Variants in MYH7B observed in about 807,000 individuals in gnomAD.
MYH7B encodes myosin heavy chain 7B.
MYH7B carries 205 observed loss-of-function variants against 234.5 expected under a neutral mutation model. The ratio of observed to expected loss-of-function variants is 0.87; its 90% confidence interval spans 0.78 to 0.98. The LOEUF (loss-of-function observed/expected upper bound fraction) is 0.98, where lower values mean the gene tolerates loss of function less well. MYH7B is among the 50% of genes least tolerant of loss of function. The pLI, the probability that MYH7B is intolerant of heterozygous loss-of-function variation, is 0.00. For synonymous variants in MYH7B, 1,193 were observed against 1,105.0 expected (o/e 1.08, Z -1.58); for missense variants, 2,652 against 2,633.4 (o/e 1.01, Z -0.15).
intron 2 of MYH7B, among the ~76,000 whole-genome samples, chr20:34,963,958 G>C (rs180810497): frequency 6.6e-6 from 1 of 152,142 alleles, no homozygotes; most frequent in African/African-American, 2.4e-5. Flanking sequence ...CTGCTCTATA[G>C]GTTTCATTGC....
exon 14 of MYH7B, chr20:34,986,145 G>C (rs368217364): frequency 6.3e-7 from 1 of 1,598,944 alleles, no homozygotes; most frequent in African/African-American, 1.3e-5. Flanking sequence ...CCTGGTGAGC[G>C]CAGCTACCAT....
chr20:34,979,507 C>T lies in MYH7B; in HGVS notation c.198+11C>T. The stretch of plus-strand genomic sequence containing the variant: ...ACCAAAGACCAGAAGGTTCCGTTCC[C>T]CCTTTCCTGAGATTAGCCTCTCTGT... On this transcript the variant is annotated intron_variant, in intron 6 of 44. Transcript: ENST00000262873. 6.2e-7 allele frequency: 1 copy of T among 1,608,724 alleles called. No homozygotes were observed. The highest frequency in any genetic ancestry group is 8.5e-7 in the Non-Finnish European group (1 of 1,176,662).
At chr20:34,965,234 A>C (rs1184519426) in intron 2 of MYH7B, among the ~76,000 whole-genome samples, 1 of 152,236 alleles carries the variant, frequency 6.6e-6, no homozygotes, top group African/African-American at 2.4e-5. Context: ...TCAAAGAGAC[A>C]GAGCAACTCT....
chr20:34,961,864 A>G (rs2081700905), intron 2 of MYH7B, among the ~76,000 whole-genome samples: 1 of 152,206 alleles, frequency 6.6e-6, no homozygotes, highest in Admixed American at 6.5e-5. Context: ...TTCATTGTAC[A>G]GATATATCAC....
chr20:34,976,973 C>A (rs763425252), intron 3 of MYH7B, among the ~76,000 whole-genome samples: 5 of 152,098 alleles, frequency 3.3e-5, no homozygotes, highest in Non-Finnish European at 5.9e-5. Flanking sequence ...CAGGCGATGC[C>A]CTATACCCTG....
intron 2 of MYH7B, among the ~76,000 whole-genome samples, chr20:34,959,698 C>T (rs1200677598): frequency 1.3e-5 from 2 of 152,052 alleles, no homozygotes; most frequent in African/African-American, 2.4e-5. Flanking sequence ...AGGCTGGTCT[C>T]GAACTCCTGA....
chr20:34,996,511 C>A (rs780675553), exon 29 of MYH7B: 2 of 1,610,824 alleles, frequency 1.2e-6, no homozygotes, highest in Non-Finnish European at 1.7e-6. Flanking sequence ...GCTGGAGCAA[C>A]AGGTGGAGGA....
intron 3 of MYH7B, among the ~76,000 whole-genome samples, chr20:34,976,247 AATGTAG>A (rs1305725776): frequency 6.6e-6 from 1 of 152,114 alleles, no homozygotes; most frequent in Non-Finnish European, 1.5e-5. Context: ...GCCTGTTTTG[AATGTAG>A]ATGGTTGAAA....
At chr20:34,970,024 T>C (rs565910688) in intron 2 of MYH7B, among the ~76,000 whole-genome samples, 2 of 152,272 alleles carry the variant, frequency 1.3e-5, no homozygotes, top group South Asian at 4.1e-4. Flanking sequence ...AGAGGTTTAG[T>C]CATTCTCCAA....
chr20:34,986,211 A>T lies in MYH7B; in HGVS notation c.904+13A>T. The T allele has an allele frequency of 6.3e-7, 1 of 1,576,208 alleles. No individual in the cohort carries two copies. Among genetic ancestry groups the T allele is most frequent in the Non-Finnish European group, 8.6e-7 (1 of 1,158,468 alleles). ...CCAGAGCTGCAGGGTGAGGGGCAGTACGATGAAGGGGGTGGGAGTCAGAAC... is the reference window on the plus strand; with the variant it reads ...CCAGAGCTGCAGGGTGAGGGGCAGTTCGATGAAGGGGGTGGGAGTCAGAAC... On this transcript the variant is annotated intron_variant, in intron 14 of 44. Coordinates refer to ENST00000262873, the Ensembl canonical transcript of MYH7B.
At chr20:34,989,836 A>G (rs779773947) in exon 20 of MYH7B, 2 of 1,614,022 alleles carry the variant, frequency 1.2e-6, no homozygotes, top group Admixed American at 1.7e-5. Flanking sequence ...CCACGCGGGG[A>G]AGTCACCCAA....
At chr20:34,997,525 G>A in exon 32 of MYH7B, 3 of 1,606,848 alleles carry the variant, frequency 1.9e-6, no homozygotes, top group Non-Finnish European at 2.5e-6. Flanking sequence ...GCGGAGCTGG[G>A]GGAGCAGGTG....
Position 34,987,874 on chromosome 20 carries a change from T to A in MYH7B, c.1376T>A (p.Phe459Tyr), listed in dbSNP as rs754511. The A allele has an allele frequency of 0.011, 17,742 of 1,611,252 alleles. 135 individuals carry two copies. Among genetic ancestry groups the A allele is most frequent in the Non-Finnish European group, 0.014 (16,096 of 1,178,146 alleles). ...GACACAAAGCTGCCCCGGCAGTTCT[T>A]CATCGGGGTTCTGGACATCGCTGGG... Residue 459 changes from phenylalanine to tyrosine, a missense_variant, in exon 18 of 45, where the codon TTC (phenylalanine) becomes TAC (tyrosine). Coordinates refer to ENST00000262873, the Ensembl canonical transcript of MYH7B.
chr20:34,985,172 A>G, intron 13 of MYH7B, 43 bp downstream of exon 13: 1 of 1,593,786 alleles, frequency 6.3e-7, no homozygotes, highest in South Asian at 1.1e-5. Flanking sequence ...AGGAGGCCTG[A>G]GCCCGGTCAC....
At chr20:34,984,916 G>A (rs745650704) in exon 12 of MYH7B, 3 of 1,614,068 alleles carry the variant, frequency 1.9e-6, no homozygotes, top group South Asian at 2.2e-5. Context: ...GCAACGCCAA[G>A]ACCCTGAGGA....
chr20:34,992,361 G>C (rs1453174894), intron 24 of MYH7B, among the ~76,000 whole-genome samples: 6 of 142,844 alleles, frequency 4.2e-5, no homozygotes, highest in Non-Finnish European at 7.6e-5. Context: ...ACTCCAGCCT[G>C]GGCGACAGAG....
exon 18 of MYH7B, chr20:34,987,841 A>G (rs752521774): frequency 1.2e-6 from 2 of 1,613,764 alleles, no homozygotes; most frequent in Non-Finnish European, 1.7e-6. Flanking sequence ...CGGATCAACC[A>G]GACCCTGGAC....
chr20:34,971,744 C>T (rs1361208846), intron 2 of MYH7B, among the ~76,000 whole-genome samples: 2 of 152,246 alleles, frequency 1.3e-5, no homozygotes, highest in Non-Finnish European at 2.9e-5. Context: ...CTTAGGAACA[C>T]ATAAATCTGA....
exon 44 of MYH7B, chr20:35,002,064 C>T (rs753244944): frequency 6.2e-7 from 1 of 1,613,990 alleles, no homozygotes; most frequent in South Asian, 1.1e-5. Flanking sequence ...GGGCACGGAC[C>T]CGGGACGCCC....
Sources: gnomAD v4.1 joint callset for allele counts (sites outside exome capture counted in the v4.1 genomes callset) on GRCh38, gnomAD v4.1.1 for gene constraint, MANE v1.5 for transcripts, NCBI Gene and HGNC (gene_info 2026-07-23, HGNC 2026-07-21) for gene names.